Variants in UPK2 observed in about 807,000 individuals in gnomAD.
UPK2 encodes uroplakin 2, also known as uroplakin-2.
In UPK2, 19 loss-of-function variants were observed where a neutral mutation model predicts 14.8. That is an observed-to-expected ratio of 1.29 (90% confidence interval 0.90 to 1.89). UPK2 has a LOEUF of 1.89. Ranked by LOEUF, UPK2 falls within the 40% of genes most tolerant of loss-of-function variation. The pLI is 0.00. For missense variants in UPK2, 232 were observed against 236.0 expected (o/e 0.98, Z 0.11); for synonymous variants, 102 against 101.6 (o/e 1.00, Z -0.02).
Position 118,956,982 on chromosome 11 carries a change from C to T in UPK2, c.176C>T (p.Thr59Ile). The T allele has an allele frequency of 1.1e-5, 17 of 1,614,072 alleles. No individual in the cohort carries two copies. The highest frequency in any genetic ancestry group is 1.4e-5 in the Non-Finnish European group (17 of 1,179,936). ...PPCHLTGGNA[T>I]LMVRRANDSK... is the part of the protein sequence containing the mutation. ...TGTCACCTCACAGGAGGCAATGCCACACTGATGGTCCGGAGAGCCAATGAC... is the reference window on the plus strand; with the variant it reads ...TGTCACCTCACAGGAGGCAATGCCATACTGATGGTCCGGAGAGCCAATGAC... The change falls in exon 2 of 5, where the codon ACA becomes ATA. Residue 59 changes from threonine to isoleucine, a missense_variant. Physicochemically the swap from Thr to Ile is moderately conservative, Grantham distance 89. Transcript: ENST00000264031. The surrounding 1 kb of genome is among the most constrained non-coding windows in gnomAD (Gnocchi z 4.1).
chr11:118,956,415 C>T lies in UPK2; in HGVS notation c.65C>T (p.Pro22Leu). The T allele has an allele frequency of 6.2e-7, 1 of 1,608,532 alleles. No individual in the cohort carries two copies. Among genetic ancestry groups the T allele is most frequent in the Non-Finnish European group, 8.5e-7 (1 of 1,179,792 alleles). The change falls in exon 1 of 5, where the codon CCA becomes CTA. Residue 22 changes from proline to leucine, a missense_variant. Physicochemically the swap from Pro to Leu is moderately conservative, Grantham distance 98. Transcript: ENST00000264031. The surrounding 1 kb of genome is among the most constrained non-coding windows in gnomAD (Gnocchi z 4.1). Reference protein sequence around the residue: ...LILILLALLSPGAADFNISSL... With the variant: ...LILILLALLSLGAADFNISSL... The stretch of plus-strand genomic sequence containing the variant: ...CTGATTCTGCTGGCTCTGCTGTCCC[C>T]AGGGGCTGCAGGTCTCTTCCATCTC...
rs1941563880 is a variant in UPK2, at chr11:118,956,507, A to G, written c.76+81A>G. ...ACTGTACCTTCCAGGGCTCTCAAAG[A>G]GAGGTCTGGACAGTTGGGAGTCAGG... On this transcript the variant is annotated intron_variant, in intron 1 of 4. Transcript: ENST00000264031. The surrounding 1 kb of genome is among the most constrained non-coding windows in gnomAD (Gnocchi z 4.1). The G allele has an allele frequency of 9.4e-6, 12 of 1,282,312 alleles. No homozygotes were observed. In the South Asian group the frequency reaches 1.5e-4, roughly 16 times the overall value. The allele number at this position is 1,282,312 out of a possible 1,614,324, so 79.4% of individuals were successfully genotyped here. A position where few individuals can be genotyped will look rare whatever the true frequency, so the allele number is the denominator to read the frequency against.
At position 118,958,365 on chromosome 11, in the gene UPK2, C is replaced by A; in HGVS notation, c.*132C>A. ...GCCTCCTCCTCCTGCCCTCCTCTCC[C>A]CTAGAGCCCTCTCCTCCCTCTGTCC... On this transcript the variant is annotated 3_prime_UTR_variant, in exon 5 of 5. Transcript: ENST00000264031. The surrounding 1 kb of genome is among the most constrained non-coding windows in gnomAD (Gnocchi z 4.6). 9.5e-7 allele frequency: 1 copy of A among 1,048,750 alleles called. No homozygotes were observed. Among genetic ancestry groups the A allele is most frequent in the Non-Finnish European group, 1.3e-6 (1 of 745,318 alleles). 65.0% of individuals were successfully genotyped at this position (1,048,750 alleles called of 1,614,324 possible).
At position 118,956,831 on chromosome 11, in the gene UPK2, G is replaced by T; in HGVS notation, c.77-52G>T. On this transcript the variant is annotated intron_variant, in intron 1 of 4. Transcript: ENST00000264031. This position sits in a 1 kb window ranked among gnomAD's most constrained non-coding sequence, Gnocchi z 4.1. ...GCTCCAATGGGACCGGGCCAGATCT[G>T]TTGGCCAGGAGGGGTCAGTCCCCAT... The T allele has an allele frequency of 6.2e-7, 1 of 1,609,996 alleles. No homozygotes were observed. The highest frequency in any genetic ancestry group is 1.1e-5 in the South Asian group (1 of 90,744).
chr11:118,957,178 C>G, intron 2 of UPK2, 30 bp from the exon 3 acceptor site: 1 of 1,613,884 alleles, frequency 6.2e-7, no homozygotes, highest in South Asian at 1.1e-5. Flanking sequence ...AAACTTGACC[C>G]AGTCTTCCCC....
chr11:118,957,428 G>T, intron 3 of UPK2, 82 bp downstream of exon 3: 1 of 1,580,982 alleles, frequency 6.3e-7, no homozygotes, highest in Non-Finnish European at 8.6e-7. Flanking sequence ...GATCTGGTGG[G>T]CATGAGGAGA....
In UPK2 at chr11:118,956,834, G is replaced by T; in HGVS notation, c.77-49G>T. ...CCAATGGGACCGGGCCAGATCTGTT[G>T]GCCAGGAGGGGTCAGTCCCCATCGG... On this transcript the variant is annotated intron_variant, in intron 1 of 4. Coordinates refer to ENST00000264031, the MANE Select transcript of UPK2 (RefSeq NM_006760.4). This position sits in a 1 kb window ranked among gnomAD's most constrained non-coding sequence, Gnocchi z 4.1. 1 of 1,610,622 alleles carries T rather than the reference G, an allele frequency of 6.2e-7. No individual in the cohort carries two copies. The highest frequency in any genetic ancestry group is 8.5e-7 in the Non-Finnish European group (1 of 1,178,122).
chr11:118,957,945 CTGGTTGGT>C (rs547782305), intron 4 of UPK2, 144 bp from the exon 5 acceptor site: 11 of 1,052,250 alleles, frequency 1.0e-5, no homozygotes, highest in African/African-American at 6.4e-5. Flanking sequence ...GATCCATCAG[CTGGTTGGT>C]TGGTTGGTTG....
In UPK2 at chr11:118,956,819, C is replaced by T. The variant is rs917105637; in HGVS notation, c.77-64C>T. On this transcript the variant is annotated intron_variant, in intron 1 of 4. Transcript: ENST00000264031. The surrounding 1 kb of genome is among the most constrained non-coding windows in gnomAD (Gnocchi z 4.1). ...GAAAGGGAGATGGCTCCAATGGGACCGGGCCAGATCTGTTGGCCAGGAGGG... is the reference window on the plus strand; with the variant it reads ...GAAAGGGAGATGGCTCCAATGGGACTGGGCCAGATCTGTTGGCCAGGAGGG... The T allele has an allele frequency of 1.0e-5, 16 of 1,601,134 alleles. No individual in the cohort carries two copies. The highest frequency in any genetic ancestry group is 6.7e-5 in the Admixed American group (4 of 59,270).
chr11:118,958,503 T>A lies in UPK2; in HGVS notation c.*270T>A. 1 of 406,754 alleles carries A rather than the reference T, an allele frequency of 2.5e-6. No homozygotes were observed. The allele number at this position is 406,754 out of a possible 1,614,324, so 25.2% of individuals were successfully genotyped here. A position where few individuals can be genotyped will look rare whatever the true frequency, so the allele number is the denominator to read the frequency against. The stretch of plus-strand genomic sequence containing the variant: ...CCACTTTAAACACCCCCATAACAAT[T>A]CCCCCATCCTTCAGTGAACTAAGTC... On this transcript the variant is annotated 3_prime_UTR_variant, in exon 5 of 5. Coordinates refer to ENST00000264031, the MANE Select transcript of UPK2 (RefSeq NM_006760.4). This position sits in a 1 kb window ranked among gnomAD's most constrained non-coding sequence, Gnocchi z 4.6.
chr11:118,957,617 A>C lies in UPK2; in HGVS notation c.367A>C (p.Lys123Gln). The stretch of plus-strand genomic sequence containing the variant: ...CAAAAGCATTTCCTACCTAGTGAAG[A>C]AGGGGACAGCCACTGAGTCCAGCAG... ...TKFYISYLVK[K>Q]GTATESSREI... Residue 123 changes from lysine (K) to glutamine (Q), a missense_variant, in exon 4 of 5, where the codon AAG (lysine) becomes CAG (glutamine). Transcript: ENST00000264031. 3 of 1,614,116 alleles carry C rather than the reference A, an allele frequency of 1.9e-6. No individual in the cohort carries two copies. The highest frequency in any genetic ancestry group is 2.5e-6 in the Non-Finnish European group (3 of 1,180,014).
chr11:118,956,403 C>A lies in UPK2; in HGVS notation c.53C>A (p.Ala18Asp), dbSNP rs1447267918. 1.1e-5 allele frequency: 17 copies of A among 1,610,054 alleles called. No homozygotes were observed. The highest frequency in any genetic ancestry group is 1.4e-5 in the Non-Finnish European group (17 of 1,179,972). Residue 18 changes from alanine to aspartate, a missense_variant, in exon 1 of 5, where the codon GCT becomes GAT. Ala to Asp is a moderately radical substitution (Grantham distance 126). Coordinates refer to ENST00000264031, the MANE Select transcript of UPK2 (RefSeq NM_006760.4). This position sits in a 1 kb window ranked among gnomAD's most constrained non-coding sequence, Gnocchi z 4.1. Reference sequence around the variant, plus strand: ...TTGCCCTTGATCCTGATTCTGCTGGCTCTGCTGTCCCCAGGGGCTGCAGGT... The same window carrying A: ...TTGCCCTTGATCCTGATTCTGCTGGATCTGCTGTCCCCAGGGGCTGCAGGT... ...RTLPLILILL[A>D]LLSPGAADFN... is the part of the protein sequence containing the mutation.
Position 118,957,651 on chromosome 11 carries a change from C to T in UPK2, c.401C>T (p.Pro134Leu), listed in dbSNP as rs1191856906. Reference sequence around the variant, plus strand: ...GCCACTGAGTCCAGCAGAGAGATCCCAATGTCCACACTCCCTCGTAAGTAA... The same window carrying T: ...GCCACTGAGTCCAGCAGAGAGATCCTAATGTCCACACTCCCTCGTAAGTAA... Reference protein sequence around the residue: ...GTATESSREIPMSTLPRRNME... With the variant: ...GTATESSREILMSTLPRRNME... Residue 134 changes from proline to leucine, a missense_variant, in exon 4 of 5, where the codon CCA becomes CTA. Coordinates refer to ENST00000264031, the MANE Select transcript of UPK2 (RefSeq NM_006760.4). 6.2e-7 allele frequency: 1 copy of T among 1,614,042 alleles called. No individual in the cohort carries two copies. Among genetic ancestry groups the T allele is most frequent in the East Asian group, 2.2e-5 (1 of 44,892 alleles).
In UPK2 at chr11:118,958,150, G is replaced by T; in HGVS notation, c.472G>T (p.Val158Phe). Reference sequence around the variant, plus strand: ...TATGGCCCGCACAGGGGGCATGGTGGTCATCACGGTGCTGCTCTCTGTCGC... The same window carrying T: ...TATGGCCCGCACAGGGGGCATGGTGTTCATCACGGTGCTGCTCTCTGTCGC... ...LGMARTGGMV[V>F]ITVLLSVAMF... Residue 158 changes from valine (V) to phenylalanine (F), a missense_variant, in exon 5 of 5, where the codon GTC (valine) becomes TTC (phenylalanine). By Grantham distance (50) the Val-to-Phe change is conservative (BLOSUM62 -1). Transcript: ENST00000264031. The surrounding 1 kb of genome is among the most constrained non-coding windows in gnomAD (Gnocchi z 4.6). 1 of 1,614,082 alleles carries T rather than the reference G, an allele frequency of 6.2e-7. No individual in the cohort carries two copies. Among genetic ancestry groups the T allele is most frequent in the Non-Finnish European group, 8.5e-7 (1 of 1,179,964 alleles).
chr11:118,957,144 G>T (rs934235824), intron 2 of UPK2, 64 bp from the exon 3 acceptor site: 148 of 1,611,788 alleles, frequency 9.2e-5, no homozygotes, highest in Middle Eastern at 1.6e-4. Context: ...TCTAAAAGCT[G>T]CCCCTTCTCC....
rs764219777 is a variant in UPK2 at position 118,957,302 on chromosome 11, C to G, written c.303C>G (p.Leu101=). The part of the protein sequence containing the change: ...DSGAGFTVTR[L]SAYQVTNLVP... Reference sequence around the variant, plus strand: ...GTGCTGGCTTCACAGTCACTCGGCTCAGTGCATACCAGGTGACAAACCTCG... The same window carrying G: ...GTGCTGGCTTCACAGTCACTCGGCTGAGTGCATACCAGGTGACAAACCTCG... Residue 101 remains leucine, a synonymous_variant, in exon 3 of 5, where the codon CTC becomes CTG. Transcript: ENST00000264031. The G allele has an allele frequency of 5.0e-6, 8 of 1,614,016 alleles. No homozygotes were observed. The highest frequency in any genetic ancestry group is 6.8e-6 in the Non-Finnish European group (8 of 1,180,034).
At chr11:118,957,965 T>TTGGCTGGC (rs888081794) in intron 4 of UPK2, 132 bp from the exon 5 acceptor site, 34 of 1,309,188 alleles carry the variant, frequency 2.6e-5, no homozygotes, top group African/African-American at 5.9e-5. Context: ...GGTTGGTTGG[T>TTGGCTGGC]TGGCTGGCTG....
chr11:118,956,386 G>A lies in UPK2; in HGVS notation c.36G>A (p.Leu12=), dbSNP rs1004369650. The A allele has an allele frequency of 1.2e-6, 2 of 1,611,180 alleles. No homozygotes were observed. Among genetic ancestry groups the A allele is most frequent in the Admixed American group, 3.3e-5 (2 of 60,010 alleles). Residue 12 remains leucine (L), a synonymous_variant, in exon 1 of 5, where the codon TTG becomes TTA. Transcript: ENST00000264031. The surrounding 1 kb of genome is among the most constrained non-coding windows in gnomAD (Gnocchi z 4.1). ...APLLPIRTLP[L]ILILLALLSP... ...TGCTGCCCATCCGGACCTTGCCCTT[G>A]ATCCTGATTCTGCTGGCTCTGCTGT...
rs1388464491 is a variant in UPK2, at chr11:118,956,469, C to T, written c.76+43C>T. ...CAGGGGTGGGAAGGGGGCTGGGGGC[C>T]TGGACAGGGAGCACTGTACCTTCCA... On this transcript the variant is annotated intron_variant, in intron 1 of 4. Coordinates refer to ENST00000264031, the MANE Select transcript of UPK2 (RefSeq NM_006760.4). The surrounding 1 kb of genome is among the most constrained non-coding windows in gnomAD (Gnocchi z 4.1). The T allele has an allele frequency of 1.2e-5, 18 of 1,532,092 alleles. No homozygotes were observed. The highest frequency in any genetic ancestry group is 1.6e-5 in the Non-Finnish European group (18 of 1,122,688). The allele number at this position is 1,532,092 out of a possible 1,614,324, so 94.9% of individuals were successfully genotyped here.
Sources: allele counts gnomAD v4.1 joint callset, GRCh38; gene constraint gnomAD v4.1.1; non-coding constraint Gnocchi (gnomAD v3.1); transcripts MANE v1.5; gene names NCBI Gene and HGNC (gene_info 2026-07-23, HGNC 2026-07-21).